Variants in C11orf65 observed in about 807,000 individuals in gnomAD.
C11orf65 encodes the protein protein MFI.
In C11orf65, 38 loss-of-function variants were observed where a neutral mutation model predicts 35.3. The ratio of observed to expected loss-of-function variants is 1.08; its 90% CI spans 0.83 to 1.41. C11orf65 has a LOEUF of 1.41. Among genes scored for constraint, C11orf65 ranks in the 40% most tolerant of loss-of-function variants. The pLI is 0.00. For missense variants in C11orf65, 370 were observed against 367.1 expected (o/e 1.01, Z -0.06); for synonymous variants, 105 against 114.4 (o/e 0.92, Z 0.53).
At chr11:108,387,623 G>T (rs2092042850) in intron 7 of C11orf65, among the ~76,000 whole-genome samples, 1 of 151,966 alleles carries the variant, frequency 6.6e-6, no homozygotes, top group Non-Finnish European at 1.5e-5. Context: ...AAACTAATGG[G>T]CTCAAGTGAT....
chr11:108,372,084 G>A (rs758475855), intron 2 of C11orf65, among the ~76,000 whole-genome samples: 10 of 152,164 alleles, frequency 6.6e-5, no homozygotes, highest in African/African-American at 9.7e-5. Flanking sequence ...AGATCGTAAC[G>A]TTAGGTTACT....
chr11:108,339,656 T>C (rs771059597), intron 2 of C11orf65, among the ~76,000 whole-genome samples: 16 of 152,276 alleles, frequency 1.1e-4, no homozygotes, highest in Non-Finnish European at 2.1e-4. Flanking sequence ...AACATCACAG[T>C]TGAGACTCTA....
intron 2 of C11orf65, among the ~76,000 whole-genome samples, chr11:108,351,819 C>T (rs2137223308): frequency 6.6e-6 from 1 of 152,316 alleles, no homozygotes; most frequent in South Asian, 2.1e-4. Context: ...TATGTTAGGC[C>T]TTTGCAATGT....
Position 108,319,963 on chromosome 11 carries a change from A to G in C11orf65, c.641-10892T>C, listed in dbSNP as rs1060504295. On this transcript the variant is annotated intron_variant, in intron 6 of 6. Transcript: ENST00000525729. ...TTGACTTATCTCACAGCAAAGAAGT[A>G]GAAGGAACCAGTTACCATGAATCAT... 6 of 1,609,420 alleles carry G rather than the reference A, an allele frequency of 3.7e-6. No homozygotes were observed. The highest frequency in any genetic ancestry group is 1.7e-5 in the Admixed American group (1 of 59,990).
At chr11:108,401,902 T>C (rs933652457) in intron 6 of C11orf65, among the ~76,000 whole-genome samples, 2 of 152,230 alleles carry the variant, frequency 1.3e-5, no homozygotes, top group African/African-American at 4.8e-5. Context: ...ACATAATTTC[T>C]GGCCAAAGCA....
In C11orf65 at chr11:108,415,206, G is replaced by A. The variant is rs369453027; in HGVS notation, c.175-8057C>T. Among the ~76,000 whole-genome samples the A allele has an allele frequency of 1.2e-4, 18 of 152,194 alleles. No individual in the cohort carries two copies. In the East Asian group the frequency reaches 2.7e-3, roughly 23 times the overall value. On this transcript the variant is annotated intron_variant, in intron 3 of 8. Transcript: ENST00000393084. Reference sequence around the variant, plus strand: ...GAAAAGTATACAGATTGAGAAGGGAGAAAAAGAACTGTCTTTGTTCTCAGA... The same window carrying A: ...GAAAAGTATACAGATTGAGAAGGGAAAAAAAGAACTGTCTTTGTTCTCAGA...
chr11:108,357,152 G>A (rs1179792668), intron 2 of C11orf65, among the ~76,000 whole-genome samples: 1 of 152,236 alleles, frequency 6.6e-6, no homozygotes, highest in Non-Finnish European at 1.5e-5. Flanking sequence ...GGGTCAGGGA[G>A]TTCCCTTTCC....
At chr11:108,452,701 G>A (rs188468083) in intron 2 of C11orf65, among the ~76,000 whole-genome samples, 1,644 of 152,174 alleles carry the variant, frequency 0.011, 24 homozygotes, top group African/African-American at 0.037. Context: ...ACATGCACAC[G>A]TATGTTTACT....
At chr11:108,399,531 T>C (rs950640833) in intron 6 of C11orf65, among the ~76,000 whole-genome samples, 1 of 152,176 alleles carries the variant, frequency 6.6e-6, no homozygotes, top group Non-Finnish European at 1.5e-5. Flanking sequence ...GCATCCTGTA[T>C]AGATCCAACT....
chr11:108,369,510 A>C (rs2091485991), intron 2 of C11orf65, among the ~76,000 whole-genome samples: 1 of 152,134 alleles, frequency 6.6e-6, no homozygotes, highest in Non-Finnish European at 1.5e-5. Context: ...AGTCCTCTGG[A>C]GTTTTAGTCT....
intron 3 of C11orf65, among the ~76,000 whole-genome samples, chr11:108,408,881 T>C (rs1208470022): frequency 6.6e-6 from 1 of 151,992 alleles, no homozygotes; most frequent in African/African-American, 2.4e-5. Context: ...AGAAAATAGA[T>C]GTTATTCAAC....
intron 7 of C11orf65, among the ~76,000 whole-genome samples, chr11:108,388,182 C>T (rs976820644): frequency 6.6e-5 from 10 of 152,166 alleles, no homozygotes; most frequent in Non-Finnish European, 2.9e-5. Context: ...GTGCTGAGCC[C>T]TGACAATCTG....
At chr11:108,324,948 G>GT (rs2085498196) in intron 6 of C11orf65, among the ~76,000 whole-genome samples, 1 of 152,278 alleles carries the variant, frequency 6.6e-6, no homozygotes, top group African/African-American at 2.4e-5. Flanking sequence ...ACTACAGGCA[G>GT]TATTGAAGCA....
chr11:108,468,438 A>C (rs1591635689), upstream of C11orf65, among the ~76,000 whole-genome samples: 1 of 152,210 alleles, frequency 6.6e-6, no homozygotes, highest in Non-Finnish European at 1.5e-5. Context: ...AGATTATTGC[A>C]ATGTGAAAAA....
At chr11:108,422,693 C>T (rs1342606979) in intron 3 of C11orf65, among the ~76,000 whole-genome samples, 1 of 152,008 alleles carries the variant, frequency 6.6e-6, no homozygotes, top group East Asian at 1.9e-4. Context: ...ACCATCCTGG[C>T]TAACATGGTG....
At chr11:108,350,420 A>G (rs1401132354) in intron 2 of C11orf65, among the ~76,000 whole-genome samples, 1 of 152,198 alleles carries the variant, frequency 6.6e-6, no homozygotes, top group Non-Finnish European at 1.5e-5. Context: ...GAAGGAGAAG[A>G]GGTTTTGATT....
intron 3 of C11orf65, chr11:108,333,048 C>T: frequency 1.1e-6 from 1 of 943,284 alleles, no homozygotes; most frequent in South Asian, 1.6e-5. Context: ...TTCAGCATTC[C>T]CTGGTTACTT....
chr11:108,441,582 G>C (rs1591563388), intron 2 of C11orf65, among the ~76,000 whole-genome samples: 1 of 152,224 alleles, frequency 6.6e-6, no homozygotes, highest in African/African-American at 2.4e-5. Context: ...AGTAGGGGCA[G>C]ACTGACACCT....
At position 108,339,976 on chromosome 11, in the gene C11orf65, G is replaced by A. The variant is rs564046867; in HGVS notation, c.227-4684C>T. On this transcript the variant is annotated intron_variant, in intron 2 of 3. Coordinates refer to the C11orf65 transcript ENST00000524755. The stretch of plus-strand genomic sequence containing the variant: ...AATGTGAATTTATATACCTACGTTG[G>A]GTTAGATACTCTACTGAGTGCTAGG... 6.6e-5 allele frequency among the ~76,000 whole-genome samples: 10 copies of A among 152,166 alleles called. No homozygotes were observed. The South Asian group carries it at 2.1e-3, about 32-fold the overall frequency.
Sources: gnomAD v4.1 joint callset for allele counts (sites outside exome capture counted in the v4.1 genomes callset) on GRCh38, gnomAD v4.1.1 for gene constraint, MANE v1.5 for transcripts, NCBI Gene and HGNC (gene_info 2026-07-23, HGNC 2026-07-21) for gene names.